CNTN5: variants seen among roughly 807,000 people sequenced by gnomAD.
CNTN5 encodes the protein contactin-5.
A neutral mutation model predicts 129.1 loss-of-function variants in CNTN5; 77 were observed. That is an observed-to-expected ratio of 0.60 (90% CI 0.50 to 0.72). CNTN5 has a LOEUF of 0.72. CNTN5 is among the 30% of genes least tolerant of loss of function. The pLI is 0.00. For missense variants in CNTN5, 1,478 were observed against 1,328.8 expected, an observed-to-expected ratio of 1.11 and a Z score of -1.75; for synonymous variants, 509 against 465.6, an observed-to-expected ratio of 1.09 and a Z score of -1.20.
At chr11:99,804,034 T>C (rs963954432) in intron 3 of CNTN5, among the ~76,000 whole-genome samples, 13 of 152,166 alleles carry the variant, frequency 8.5e-5, no homozygotes, top group African/African-American at 2.9e-4. Flanking sequence ...TTTTGTTTGT[T>C]TGTTTTATAA....
At chr11:99,820,962 T>G (rs1476145448) in intron 4 of CNTN5, among the ~76,000 whole-genome samples, 1 of 152,234 alleles carries the variant, frequency 6.6e-6, no homozygotes, top group Non-Finnish European at 1.5e-5. Flanking sequence ...ATTGTTGCCA[T>G]GTGCAGCATT....
intron 2 of CNTN5, among the ~76,000 whole-genome samples, chr11:99,338,493 G>A (rs1046197619): frequency 6.6e-6 from 1 of 152,072 alleles, no homozygotes; most frequent in Non-Finnish European, 1.5e-5. Context: ...ACAGTTGTTC[G>A]TTTTGGGGAT....
chr11:99,490,474 T>C lies in CNTN5; in HGVS notation c.-70-65671T>C, dbSNP rs149941140. Among the ~76,000 whole-genome samples the C allele has an allele frequency of 3.3e-4, 51 of 152,356 alleles. No individual in the cohort carries two copies. The East Asian group carries it at 4.6e-3, about 14-fold the overall frequency. On this transcript the variant is annotated intron_variant, in intron 2 of 24. Coordinates refer to ENST00000524871, the MANE Select transcript of CNTN5 (RefSeq NM_014361.4). Reference sequence around the variant, plus strand: ...CTCACAATTCACTTTTAGTGTACTCTTCTTACTTTGTAAATATGCAGTCAA... The same window carrying C: ...CTCACAATTCACTTTTAGTGTACTCCTCTTACTTTGTAAATATGCAGTCAA...
At chr11:99,841,885 C>CAT (rs1268368274) in intron 4 of CNTN5, among the ~76,000 whole-genome samples, 334 of 14,068 alleles carry the variant, frequency 0.024, 2 homozygotes, top group Middle Eastern at 0.083. Context: ...CATACATATA[C>CAT]ATATATATAT....
In CNTN5 at chr11:100,031,999, C is replaced by T. The variant is rs796826482; in HGVS notation, c.981-29213C>T. ...GTGTGTCTATTATTTCTCAACCTGC[C>T]GATCCACATAGGAACAAGGAGAGAG... On this transcript the variant is annotated intron_variant, in intron 9 of 24. Coordinates refer to ENST00000524871, the MANE Select transcript of CNTN5 (RefSeq NM_014361.4). 5.3e-5 allele frequency among the ~76,000 whole-genome samples: 8 copies of T among 152,154 alleles called. No individual in the cohort carries two copies. In the East Asian group the frequency reaches 9.6e-4, roughly 18 times the overall value.
At chr11:99,337,664 G>C (rs755503813) in intron 2 of CNTN5, among the ~76,000 whole-genome samples, 1 of 152,164 alleles carries the variant, frequency 6.6e-6, no homozygotes, top group Non-Finnish European at 1.5e-5. Context: ...TTGCTGCAGA[G>C]ATTTTATTTA....
chr11:99,841,781 TTA>T (rs755315937), intron 4 of CNTN5, among the ~76,000 whole-genome samples: 9,155 of 96,872 alleles, frequency 0.095, 383 homozygotes, highest in African/African-American at 0.15. Context: ...GGTTTGACAT[TTA>T]TATATATATA....
Position 99,211,122 on chromosome 11 carries a change from A to T in CNTN5, c.-209-114224A>T, listed in dbSNP as rs1420554664. ...TTGGGCAGGTTCTTTTTCTTAACCC[A>T]TTACCAAGATATGATCGTAAAATGT... On this transcript the variant is annotated intron_variant, in intron 1 of 24. Transcript: ENST00000524871. Among the ~76,000 whole-genome samples the T allele has an allele frequency of 3.3e-5, 5 of 152,142 alleles. No individual in the cohort carries two copies. In the South Asian group the frequency reaches 1.0e-3, roughly 32 times the overall value.
intron 3 of CNTN5, among the ~76,000 whole-genome samples, chr11:99,600,589 G>A (rs1950281986): frequency 6.6e-6 from 1 of 152,072 alleles, no homozygotes; most frequent in African/African-American, 2.4e-5. Context: ...TAGGATAAGT[G>A]TTGGACTCCG....
intron 13 of CNTN5, among the ~76,000 whole-genome samples, chr11:100,116,661 T>G (rs1193768695): frequency 1.3e-5 from 2 of 152,004 alleles, no homozygotes. Flanking sequence ...AATTTTATTT[T>G]ACCTGTATAA....
chr11:99,717,407 G>T (rs560506103), intron 3 of CNTN5, among the ~76,000 whole-genome samples: 1 of 152,132 alleles, frequency 6.6e-6, no homozygotes, highest in East Asian at 1.9e-4. Context: ...GCGTAGGGAA[G>T]TTATTGCTAG....
In CNTN5 at chr11:99,897,564, G is replaced by A. The variant is rs375179272; in HGVS notation, c.578-18490G>A. 3.3e-5 allele frequency among the ~76,000 whole-genome samples: 5 copies of A among 152,174 alleles called. No homozygotes were observed. The East Asian group carries it at 7.7e-4, about 24-fold the overall frequency. On this transcript the variant is annotated intron_variant, in intron 6 of 24. Transcript: ENST00000524871. ...CTACAAACTAAGCTTCATAAATGAA[G>A]GAGAAATACTCTTTCCCAGACAAGC...
chr11:100,266,102 A>G (rs368890511), intron 17 of CNTN5, among the ~76,000 whole-genome samples: 2 of 152,184 alleles, frequency 1.3e-5, no homozygotes, highest in East Asian at 3.9e-4. Context: ...TATTAATTAA[A>G]TTGGTGGCTG....
Position 99,843,005 on chromosome 11 carries a change from C to A in CNTN5, c.278-1847C>A, listed in dbSNP as rs535934637. On this transcript the variant is annotated intron_variant, in intron 4 of 24. Transcript: ENST00000524871. ...CAGCACTTTGGGAGGCCTAGGCGGG[C>A]GGATTACTTGAGGTTAGGAGTGTGA... Among the ~76,000 whole-genome samples, 43 of 152,080 alleles carry A rather than the reference C, an allele frequency of 2.8e-4. No homozygotes were observed. In the South Asian group the frequency reaches 8.9e-3, roughly 32 times the overall value.
At chr11:100,212,096 G>GTAGTCCT (rs1949045913) in intron 15 of CNTN5, among the ~76,000 whole-genome samples, 1 of 152,048 alleles carries the variant, frequency 6.6e-6, no homozygotes, top group African/African-American at 2.4e-5. Flanking sequence ...CTGTCCTACT[G>GTAGTCCT]TAGTCCTGGG....
At position 99,103,248 on chromosome 11, in the gene CNTN5, T is replaced by C. The variant is rs970990197; in HGVS notation, c.-210+81978T>C. ...TGGGTGGGGACACAGCCAAACCATA[T>C]CAATGCTGTGTTTCTGTGTCATTGC... On this transcript the variant is annotated intron_variant, in intron 1 of 24. Coordinates refer to ENST00000524871, the MANE Select transcript of CNTN5 (RefSeq NM_014361.4). Among the ~76,000 whole-genome samples the C allele has an allele frequency of 3.3e-5, 5 of 152,186 alleles. No individual in the cohort carries two copies. In the South Asian group the frequency reaches 6.2e-4, roughly 19 times the overall value.
intron 2 of CNTN5, among the ~76,000 whole-genome samples, chr11:99,453,886 A>C (rs1239232790): frequency 2.6e-5 from 4 of 152,202 alleles, no homozygotes; most frequent in African/African-American, 9.6e-5. Flanking sequence ...TGCATCTTCA[A>C]GTAGTATGGG....
intron 9 of CNTN5, among the ~76,000 whole-genome samples, chr11:100,054,755 A>C (rs1257736255): frequency 6.6e-6 from 1 of 151,530 alleles, no homozygotes; most frequent in African/African-American, 2.4e-5. Context: ...TAAAAAAGAA[A>C]CCCTAGAAAG....
intron 7 of CNTN5, among the ~76,000 whole-genome samples, chr11:99,954,897 C>A (rs1022472143): frequency 2.0e-5 from 3 of 151,984 alleles, no homozygotes; most frequent in African/African-American, 7.2e-5. Flanking sequence ...TTTTGAGTCC[C>A]CAAATACTTA....
Sources: gnomAD v4.1 joint callset for allele counts (sites outside exome capture counted in the v4.1 genomes callset) on GRCh38, gnomAD v4.1.1 for gene constraint, MANE v1.5 for transcripts, NCBI Gene and HGNC (gene_info 2026-07-23, HGNC 2026-07-21) for gene names.